Variants in PLCB4 observed in about 807,000 individuals in gnomAD.
The protein encoded by PLCB4 is phospholipase C beta 4.
PLCB4 carries 77 observed loss-of-function variants against 178.8 expected under a neutral mutation model. That is an observed-to-expected ratio of 0.43 (90% CI 0.36 to 0.52). PLCB4 has a LOEUF of 0.52. Among genes scored for constraint, PLCB4 ranks in the 20% least tolerant of loss-of-function variants. The pLI is 0.00. For missense variants in PLCB4, 1,024 were observed against 1,453.4 expected, an observed-to-expected ratio of 0.70 and a Z score of 4.80; for synonymous variants, 496 against 490.8, an observed-to-expected ratio of 1.01 and a Z score of -0.14.
intron 3 of PLCB4, among the ~76,000 whole-genome samples, chr20:9,237,240 G>A (rs1379255999): frequency 6.6e-6 from 1 of 152,132 alleles, no homozygotes; most frequent in African/African-American, 2.4e-5. Flanking sequence ...ATCAGGATGT[G>A]TGTGTGTGCA....
At chr20:9,173,568 C>A (rs1472176434) in intron 2 of PLCB4, among the ~76,000 whole-genome samples, 1 of 152,150 alleles carries the variant, frequency 6.6e-6, no homozygotes, top group Non-Finnish European at 1.5e-5. Context: ...TCTGGAGGTT[C>A]TGGGGGAGAT....
At chr20:9,436,908 T>C in intron 29 of PLCB4, 94 bp from the exon 30 acceptor site, 1 of 1,185,886 alleles carries the variant, frequency 8.4e-7, no homozygotes, top group Non-Finnish European at 1.2e-6. Context: ...AAGAGTATGG[T>C]AGAAGTTTAC....
chr20:9,401,387 CT>C, intron 19 of PLCB4, 102 bp from the exon 20 acceptor site: 5 of 730,022 alleles, frequency 6.8e-6, no homozygotes, highest in Non-Finnish European at 1.2e-5. Flanking sequence ...TTTTAGCATC[CT>C]TTTTCTCTAA....
rs75463020 is a variant in PLCB4, at chr20:9,195,720, C to G, written c.-78-21670C>G. Reference sequence around the variant, plus strand: ...TATTGAATTACACCACCAACTTTCCCGGCTCTCCAACAGATTGTGGGACTT... The same window carrying G: ...TATTGAATTACACCACCAACTTTCCGGGCTCTCCAACAGATTGTGGGACTT... On this transcript the variant is annotated intron_variant, in intron 2 of 39. Transcript: ENST00000378473. Among the ~76,000 whole-genome samples the G allele has an allele frequency of 2.6e-4, 39 of 152,214 alleles. No homozygotes were observed. The East Asian group carries it at 5.8e-3, about 23-fold the overall frequency.
At chr20:9,270,968 A>G (rs766016855) in intron 3 of PLCB4, among the ~76,000 whole-genome samples, 1 of 152,132 alleles carries the variant, frequency 6.6e-6, no homozygotes. Flanking sequence ...TTCCAGACAA[A>G]TTTCAGCATA....
chr20:9,120,098 G>A (rs774001321), intron 2 of PLCB4, among the ~76,000 whole-genome samples: 3 of 152,160 alleles, frequency 2.0e-5, no homozygotes, highest in Non-Finnish European at 4.4e-5. Flanking sequence ...GCAGAGCTGT[G>A]GGCACTGCTC....
intron 32 of PLCB4, among the ~76,000 whole-genome samples, chr20:9,444,526 A>T (rs1454886897): frequency 6.6e-6 from 1 of 152,166 alleles, no homozygotes; most frequent in Admixed American, 6.5e-5. Flanking sequence ...GCACTTTGGG[A>T]GGCCAAGGTG....
At chr20:9,308,093 T>G (rs1432554412) in intron 4 of PLCB4, among the ~76,000 whole-genome samples, 195 bp downstream of exon 4, 2 of 152,200 alleles carry the variant, frequency 1.3e-5, no homozygotes, top group Non-Finnish European at 2.9e-5. Context: ...GCGCTCACTA[T>G]GTGCCAGATG....
chr20:9,456,850 G>A lies in PLCB4; in HGVS notation c.2997-564G>A, dbSNP rs144885718. On this transcript the variant is annotated intron_variant, in intron 33 of 39. Transcript: ENST00000378473. Reference sequence around the variant, plus strand: ...CAGGACCTGTTCTTGTTTCAGCAGCGATGTGGATATTCCAAAAGGAAGACA... The same window carrying A: ...CAGGACCTGTTCTTGTTTCAGCAGCAATGTGGATATTCCAAAAGGAAGACA... Among the ~76,000 whole-genome samples the A allele has an allele frequency of 3.5e-3, 539 of 152,272 alleles. 5 individuals carry two copies. The highest frequency in any genetic ancestry group is 0.012 in the African/African-American group (513 of 41,550).
intron 2 of PLCB4, among the ~76,000 whole-genome samples, chr20:9,185,734 A>G (rs1053849014): frequency 1.3e-5 from 2 of 152,018 alleles, no homozygotes; most frequent in African/African-American, 2.4e-5. Flanking sequence ...CCTCATCTCT[A>G]GCTCACTGGG....
intron 1 of PLCB4, among the ~76,000 whole-genome samples, chr20:9,090,225 A>ATGTGTGTGTG (rs11087835): frequency 0.014 from 2,052 of 149,258 alleles, 29 homozygotes; most frequent in African/African-American, 0.039. Flanking sequence ...AATACTATTT[A>ATGTGTGTGTG]TGTGTGTGTG....
intron 3 of PLCB4, among the ~76,000 whole-genome samples, chr20:9,290,534 A>T (rs2094571558): frequency 6.6e-6 from 1 of 152,162 alleles, no homozygotes; most frequent in South Asian, 2.1e-4. Flanking sequence ...ATGCAATAAA[A>T]GCACCCATCT....
At chr20:9,104,458 G>A (rs1446593372) in intron 2 of PLCB4, among the ~76,000 whole-genome samples, 1 of 151,936 alleles carries the variant, frequency 6.6e-6, no homozygotes, top group Non-Finnish European at 1.5e-5. Flanking sequence ...AAGAATTTGG[G>A]GACCATGTTT....
chr20:9,300,739 A>G (rs2094692324), intron 3 of PLCB4, among the ~76,000 whole-genome samples: 1 of 152,152 alleles, frequency 6.6e-6, no homozygotes, highest in East Asian at 1.9e-4. Flanking sequence ...CACATGTTGA[A>G]TGACCATTCC....
intron 30 of PLCB4, among the ~76,000 whole-genome samples, chr20:9,438,407 C>T (rs112066000): frequency 2.0e-5 from 3 of 151,178 alleles, no homozygotes; most frequent in Non-Finnish European, 3.0e-5. Context: ...AAGTTGGCAG[C>T]TTTGATATGG....
At chr20:9,238,081 A>G (rs2094013548) in intron 3 of PLCB4, among the ~76,000 whole-genome samples, 1 of 152,164 alleles carries the variant, frequency 6.6e-6, no homozygotes, top group African/African-American at 2.4e-5. Context: ...ATTAACTTGG[A>G]CACCACTGGG....
At chr20:9,143,089 C>A (rs1466356624) in intron 2 of PLCB4, among the ~76,000 whole-genome samples, 2 of 152,152 alleles carry the variant, frequency 1.3e-5, no homozygotes, top group Admixed American at 6.5e-5. Context: ...TCCTTCAAAT[C>A]TTTGCCAATT....
chr20:9,439,006 T>C (rs1319630564), intron 30 of PLCB4, among the ~76,000 whole-genome samples: 1 of 152,182 alleles, frequency 6.6e-6, no homozygotes. Context: ...GGAAGAGATA[T>C]GTTCTGTCTG....
At chr20:9,255,068 C>T (rs573017510) in intron 3 of PLCB4, among the ~76,000 whole-genome samples, 9 of 152,068 alleles carry the variant, frequency 5.9e-5, no homozygotes, top group African/African-American at 2.2e-4. Context: ...ATATTTATAC[C>T]TGCTCATATA....
Sources: allele counts gnomAD v4.1 joint callset (sites outside exome capture counted in the v4.1 genomes callset), GRCh38; gene constraint gnomAD v4.1.1; transcripts MANE v1.5; gene names NCBI Gene and HGNC (gene_info 2026-07-23, HGNC 2026-07-21).